Variants in PCDHGB1 observed in about 807,000 individuals in gnomAD.
PCDHGB1 encodes protocadherin gamma-B1.
PCDHGB1 carries 34 observed loss-of-function variants against 56.6 expected under a neutral mutation model. The observed-to-expected ratio is 0.60, with a 90% confidence interval of 0.46 to 0.80. The LOEUF is 0.80. Among genes scored for constraint, PCDHGB1 ranks in the 30% least tolerant of loss-of-function variants. The probability of loss-of-function intolerance (pLI) is 0.00; values close to 1 mark genes in which losing one functional copy is unlikely to be tolerated. For synonymous variants in PCDHGB1, 561 were observed against 505.9 expected, an observed-to-expected ratio of 1.11 and a Z score of -1.46; for missense variants, 1,278 against 1,204.6, an observed-to-expected ratio of 1.06 and a Z score of -0.90.
chr5:141,435,883 C>A (rs1458527952), intron 1 of PCDHGB1, among the ~76,000 whole-genome samples: 1 of 152,020 alleles, frequency 6.6e-6, no homozygotes, highest in African/African-American at 2.4e-5. Flanking sequence ...GATTGGAAAC[C>A]CCTTAGAGAA....
chr5:141,444,467 G>C (rs1288596542), intron 1 of PCDHGB1, among the ~76,000 whole-genome samples: 2 of 151,998 alleles, frequency 1.3e-5, no homozygotes, highest in Admixed American at 6.6e-5. Flanking sequence ...CACTGCGCCC[G>C]GTCGCGTACT....
At chr5:141,484,880 T>G (rs1258072805) in intron 1 of PCDHGB1, 3 of 336,846 alleles carry the variant, frequency 8.9e-6, no homozygotes, top group Admixed American at 9.2e-5. Flanking sequence ...GAGGATAGGG[T>G]GGGCTTTTTC....
intron 1 of PCDHGB1, among the ~76,000 whole-genome samples, chr5:141,382,367 C>A (rs778668401): frequency 2.6e-5 from 4 of 151,894 alleles, no homozygotes; most frequent in Non-Finnish European, 5.9e-5. Context: ...TAAAATTTAC[C>A]TTTTTGCCTT....
rs777058727 is a variant in PCDHGB1 at position 141,431,947 on chromosome 5, A to G, written c.2410-62860A>G. 6 of 1,614,052 alleles carry G rather than the reference A, an allele frequency of 3.7e-6. No homozygotes were observed. The highest frequency in any genetic ancestry group is 2.2e-5 in the East Asian group (1 of 44,894). ...GAAATCTGCCCTTTAAATTAGAAAAATCTTACGGAAATTACTATAGTTTAG... is the reference window on the plus strand; with the variant it reads ...GAAATCTGCCCTTTAAATTAGAAAAGTCTTACGGAAATTACTATAGTTTAG... On this transcript the variant is annotated intron_variant, in intron 1 of 3. Transcript: ENST00000523390. This position sits in a 1 kb window ranked among gnomAD's most constrained non-coding sequence, Gnocchi z 4.8.
chr5:141,441,697 C>A (rs1415018255), intron 1 of PCDHGB1: 4 of 307,190 alleles, frequency 1.3e-5, no homozygotes, highest in Non-Finnish European at 1.3e-5. Flanking sequence ...CAGCCGCGAG[C>A]CTTCAAGCTC....
At chr5:141,393,270 C>A in intron 1 of PCDHGB1, 1 of 1,613,916 alleles carries the variant, frequency 6.2e-7, no homozygotes, top group East Asian at 2.2e-5. Context: ...AGCACGTTAT[C>A]CACTCCCAGA....
chr5:141,409,407 A>G, intron 1 of PCDHGB1: 3 of 1,614,012 alleles, frequency 1.9e-6, no homozygotes, highest in Non-Finnish European at 2.5e-6. Flanking sequence ...AATAACTACT[A>G]CAAACTGGTG....
At chr5:141,419,739 G>A (rs200899065) in intron 1 of PCDHGB1, 179 of 1,613,652 alleles carry the variant, frequency 1.1e-4, no homozygotes, top group Admixed American at 2.5e-4. Context: ...GGCGAGGTGC[G>A]CATGGTGCGT....
rs1232672788 is a variant in PCDHGB1, at chr5:141,431,315, G to A, written c.2410-63492G>A. The A allele has an allele frequency of 6.2e-7, 1 of 1,614,080 alleles. No individual in the cohort carries two copies. Among genetic ancestry groups the A allele is most frequent in the South Asian group, 1.1e-5 (1 of 91,078 alleles). On this transcript the variant is annotated intron_variant, in intron 1 of 3. Coordinates refer to ENST00000523390, the MANE Select transcript of PCDHGB1 (RefSeq NM_018922.3). The surrounding 1 kb of genome is among the most constrained non-coding windows in gnomAD (Gnocchi z 4.8). ...CTTCTCCCTCATCGTGCAAAATGGAGCCGACGGTAGTAAGTACCCCGAATT... is the reference window on the plus strand; with the variant it reads ...CTTCTCCCTCATCGTGCAAAATGGAACCGACGGTAGTAAGTACCCCGAATT...
intron 1 of PCDHGB1, among the ~76,000 whole-genome samples, chr5:141,401,895 T>C (rs184400858): frequency 3.8e-4 from 58 of 152,342 alleles, no homozygotes; most frequent in African/African-American, 1.1e-3. Context: ...GTGTTCTTTT[T>C]CCCAAATTAT....
intron 1 of PCDHGB1, chr5:141,382,935 A>G: frequency 6.3e-7 from 1 of 1,589,148 alleles, no homozygotes; most frequent in Admixed American, 1.7e-5. Flanking sequence ...ACTACAGAGG[A>G]TTCTTCCTGC....
chr5:141,396,922 C>T lies in PCDHGB1; in HGVS notation c.2409+44253C>T, dbSNP rs576253766. Among the ~76,000 whole-genome samples, 68 of 152,290 alleles carry T rather than the reference C, an allele frequency of 4.5e-4. 1 individual carries two copies. The highest frequency in any genetic ancestry group is 1.5e-3 in the African/African-American group (61 of 41,560). ...TTGGCACTTTGCAATTTTAAAAACT[C>T]GGATGAAAGTTGCCCTGGTAGGAAA... On this transcript the variant is annotated intron_variant, in intron 1 of 3. Transcript: ENST00000523390.
At chr5:141,399,581 A>G (rs375436846) in intron 1 of PCDHGB1, 20 of 1,613,788 alleles carry the variant, frequency 1.2e-5, no homozygotes, top group Non-Finnish European at 1.4e-5. Context: ...CAAGTCTCCT[A>G]CTCTATCATG....
In PCDHGB1 at chr5:141,375,018, C is replaced by A; in HGVS notation, c.2409+22349C>A. 1.9e-6 allele frequency: 3 copies of A among 1,613,982 alleles called. No individual in the cohort carries two copies. The South Asian group carries it at 3.3e-5, about 18-fold the overall frequency. ...TCTGCAAATCTAGACTATGAGGACTCGAGTTTTTATGAGCTGGGTGTTGAA... is the reference window on the plus strand; with the variant it reads ...TCTGCAAATCTAGACTATGAGGACTAGAGTTTTTATGAGCTGGGTGTTGAA... On this transcript the variant is annotated intron_variant, in intron 1 of 3. Transcript: ENST00000523390.
Position 141,431,297 on chromosome 5 carries a change from C to G in PCDHGB1, c.2410-63510C>G. Reference sequence around the variant, plus strand: ...GCTCAGCCCGAACACTCACTTCTCCCTCATCGTGCAAAATGGAGCCGACGG... The same window carrying G: ...GCTCAGCCCGAACACTCACTTCTCCGTCATCGTGCAAAATGGAGCCGACGG... On this transcript the variant is annotated intron_variant, in intron 1 of 3. Transcript: ENST00000523390. The surrounding 1 kb of genome is among the most constrained non-coding windows in gnomAD (Gnocchi z 4.8). The G allele has an allele frequency of 6.2e-7, 1 of 1,614,126 alleles. No individual in the cohort carries two copies. The highest frequency in any genetic ancestry group is 8.5e-7 in the Non-Finnish European group (1 of 1,180,036).
At chr5:141,361,476 T>C (rs1762040373) in intron 1 of PCDHGB1, 1 of 1,613,994 alleles carries the variant, frequency 6.2e-7, no homozygotes, top group Non-Finnish European at 8.5e-7. Context: ...ACGTCAACGA[T>C]AATGCCCCAG....
rs758145608 is a variant in PCDHGB1, at chr5:141,352,287, A to G, written c.2027A>G (p.Glu676Gly). ...TTGCCAGACCTCAGCGACCGCCCTG[A>G]GCCCTCTGACCCCCAGACGGAACTG... The part of the protein sequence containing the change: ...EVLPDLSDRP[E>G]PSDPQTELQF... The change falls in exon 1 of 4, where the codon GAG (glutamate) becomes GGG (glycine). Residue 676 changes from glutamate (E) to glycine (G), a missense_variant. Glu to Gly is a moderately conservative substitution (Grantham distance 98, BLOSUM62 -2). Coordinates refer to ENST00000523390, the MANE Select transcript of PCDHGB1 (RefSeq NM_018922.3). 14 of 1,613,930 alleles carry G rather than the reference A, an allele frequency of 8.7e-6. No homozygotes were observed. The highest frequency in any genetic ancestry group is 8.5e-7 in the Non-Finnish European group (1 of 1,179,908).
chr5:141,466,375 C>A (rs2099121518), intron 1 of PCDHGB1, among the ~76,000 whole-genome samples: 1 of 152,042 alleles, frequency 6.6e-6, no homozygotes, highest in Non-Finnish European at 1.5e-5. Context: ...GGTTTTGGCA[C>A]CCATCTAATG....
intron 1 of PCDHGB1, chr5:141,366,959 G>A (rs780082329): frequency 3.9e-4 from 255 of 654,682 alleles, no homozygotes; most frequent in Non-Finnish European, 5.6e-4. Context: ...GTAGACTTAA[G>A]TGAAACAAAT....
Sources: allele counts gnomAD v4.1 joint callset (sites outside exome capture counted in the v4.1 genomes callset), GRCh38; gene constraint gnomAD v4.1.1; non-coding constraint Gnocchi (gnomAD v3.1); transcripts MANE v1.5; gene names NCBI Gene and HGNC (gene_info 2026-07-23, HGNC 2026-07-21).